The following SHANK2 variants were observed in gnomAD, a reference collection of about 807,000 sequenced individuals.
The protein encoded by SHANK2 is SH3 and multiple ankyrin repeat domains 2.
A neutral mutation model predicts 133.7 loss-of-function variants in SHANK2; 43 were observed. The observed-to-expected ratio is 0.32, with a 90% CI of 0.25 to 0.41. The LOEUF (loss-of-function observed/expected upper bound fraction) is 0.41. SHANK2 is among the 10% of genes least tolerant of loss of function. SHANK2 has a pLI of 1.00. For missense variants in SHANK2, 1,994 were observed against 2,235.8 expected (o/e 0.89, Z 2.18); for synonymous variants, 1,017 against 952.8 (o/e 1.07, Z -1.24).
At chr11:70,868,543 A>T (rs2135531461) in intron 11 of SHANK2, among the ~76,000 whole-genome samples, 1 of 152,344 alleles carries the variant, frequency 6.6e-6, no homozygotes. Context: ...CCAAAGTCAC[A>T]CAGCCTGTGA....
chr11:70,741,186 T>C (rs1591803648), intron 14 of SHANK2, among the ~76,000 whole-genome samples: 1 of 69,326 alleles, frequency 1.4e-5, no homozygotes, highest in South Asian at 4.2e-4. Flanking sequence ...CATCCATCCA[T>C]GCATTCAACC....
intron 2 of SHANK2, among the ~76,000 whole-genome samples, chr11:71,212,003 T>C (rs1302777210): frequency 1.3e-5 from 2 of 152,202 alleles, no homozygotes; most frequent in Admixed American, 1.3e-4. Context: ...AGGTCAAAGA[T>C]ATTTGAAACC....
At chr11:70,505,291 C>T (rs1475050308) in intron 17 of SHANK2, among the ~76,000 whole-genome samples, 4 of 152,024 alleles carry the variant, frequency 2.6e-5, no homozygotes, top group African/African-American at 9.7e-5. Flanking sequence ...TGCTGAGGCC[C>T]GATGCAGAGA....
intron 10 of SHANK2, among the ~76,000 whole-genome samples, chr11:70,902,212 T>C (rs1555076923): frequency 6.6e-6 from 1 of 152,242 alleles, no homozygotes; most frequent in Admixed American, 6.5e-5. Flanking sequence ...GACGCCTCAC[T>C]GGCATTCTAA....
intron 14 of SHANK2, among the ~76,000 whole-genome samples, chr11:70,749,949 C>A (rs1398615919): frequency 6.6e-6 from 1 of 152,208 alleles, no homozygotes. Context: ...AAACAAACTT[C>A]TCAAATTTGA....
At chr11:70,798,264 G>T (rs1947962358) in intron 14 of SHANK2, among the ~76,000 whole-genome samples, 179 bp downstream of exon 14, 2 of 152,206 alleles carry the variant, frequency 1.3e-5, no homozygotes, top group African/African-American at 4.8e-5. Flanking sequence ...TTCTGGTTTG[G>T]ATGAAGCCCA....
chr11:71,204,465 G>C (rs1261446462), intron 2 of SHANK2, among the ~76,000 whole-genome samples: 1 of 152,148 alleles, frequency 6.6e-6, no homozygotes, highest in African/African-American at 2.4e-5. Flanking sequence ...CACGTTCTCG[G>C]GTGACAGGCT....
intron 2 of SHANK2, among the ~76,000 whole-genome samples, chr11:71,180,703 G>A (rs145784777): frequency 6.6e-6 from 1 of 152,196 alleles, no homozygotes; most frequent in Non-Finnish European, 1.5e-5. Context: ...CACTACACTA[G>A]GCCACACACC....
chr11:71,151,100 C>T (rs1590963444), intron 2 of SHANK2, among the ~76,000 whole-genome samples: 1 of 152,134 alleles, frequency 6.6e-6, no homozygotes, highest in Non-Finnish European at 1.5e-5. Context: ...ACCCTGGAAG[C>T]CACTGCCCCT....
At chr11:70,756,775 G>A (rs907787285) in intron 14 of SHANK2, among the ~76,000 whole-genome samples, 1 of 152,224 alleles carries the variant, frequency 6.6e-6, no homozygotes, top group African/African-American at 2.4e-5. Flanking sequence ...TCTGACATAC[G>A]GAATTTTGCT....
intron 2 of SHANK2, among the ~76,000 whole-genome samples, chr11:71,190,948 A>G (rs1197661297): frequency 6.7e-6 from 1 of 150,300 alleles, no homozygotes; most frequent in African/African-American, 2.4e-5. Flanking sequence ...CCTTTCTCCC[A>G]TGCAATGGGA....
chr11:70,696,348 T>C (rs1400339042), intron 15 of SHANK2, among the ~76,000 whole-genome samples: 1 of 152,198 alleles, frequency 6.6e-6, no homozygotes, highest in Non-Finnish European at 1.5e-5. Flanking sequence ...CCCAGGCAGG[T>C]CCTTCCTCTG....
At chr11:70,482,188 C>T (rs2058743777) in intron 25 of SHANK2, among the ~76,000 whole-genome samples, 1 of 152,252 alleles carries the variant, frequency 6.6e-6, no homozygotes, top group African/African-American at 2.4e-5. Flanking sequence ...TCTAGTCCAA[C>T]TCTGAGTGTA....
intron 17 of SHANK2, among the ~76,000 whole-genome samples, chr11:70,590,312 G>A (rs1349708929): frequency 6.6e-6 from 1 of 152,234 alleles, no homozygotes; most frequent in Non-Finnish European, 1.5e-5. Context: ...TCCTGGTAAA[G>A]ATGCTGTGAA....
At chr11:70,746,655 G>A (rs1463467995) in intron 14 of SHANK2, among the ~76,000 whole-genome samples, 2 of 152,164 alleles carry the variant, frequency 1.3e-5, no homozygotes, top group Non-Finnish European at 2.9e-5. Context: ...TCACCCCTAG[G>A]AGGGGCCGAT....
rs2058611922 is a variant in SHANK2 at position 70,472,772 on chromosome 11, T to G, written c.*97A>C. 1.7e-6 allele frequency: 2 copies of G among 1,198,636 alleles called. No individual in the cohort carries two copies. The highest frequency in any genetic ancestry group is 1.5e-5 in the African/African-American group (1 of 66,742). The allele number at this position is 1,198,636 out of a possible 1,614,324, so 74.3% of individuals were successfully genotyped here. A position where few individuals can be genotyped will look rare whatever the true frequency, so the allele number is the denominator to read the frequency against. ...CAGGAGACAAACCCATGGAGTGGGG[T>G]TGATGCTCACAGACTTCGCTTGGCA... On this transcript the variant is annotated 3_prime_UTR_variant, in exon 26 of 26. Coordinates refer to ENST00000601538, the MANE Select transcript of SHANK2 (RefSeq NM_012309.5). The surrounding 1 kb of genome is among the most constrained non-coding windows in gnomAD (Gnocchi z 4.4).
intron 2 of SHANK2, among the ~76,000 whole-genome samples, chr11:71,193,134 C>T (rs782168775): frequency 6.6e-6 from 1 of 152,220 alleles, no homozygotes; most frequent in Admixed American, 6.5e-5. Flanking sequence ...AGACATAACT[C>T]TGCTAAAGCC....
rs948099157 is a variant in SHANK2, at chr11:70,469,842, T to C, written c.*3027A>G. On this transcript the variant is annotated 3_prime_UTR_variant, in exon 26 of 26. Transcript: ENST00000601538. ...GTCACATTGAGTAATTTTTATATTA[T>C]GTGAATTAACTTAAAATGTGCGCAG... The C allele has an allele frequency of 1.3e-5, 2 of 152,674 alleles. No homozygotes were observed. Among genetic ancestry groups the C allele is most frequent in the Admixed American group, 6.5e-5 (1 of 15,294 alleles). The allele number at this position is 152,674 out of a possible 1,614,324, so 9.5% of individuals were successfully genotyped here. A position where few individuals can be genotyped will look rare whatever the true frequency, so the allele number is the denominator to read the frequency against.
At chr11:70,669,591 C>A (rs1944756104) in intron 15 of SHANK2, 1 of 152,642 alleles carries the variant, frequency 6.6e-6, no homozygotes, top group Non-Finnish European at 1.5e-5. Context: ...CCCTACAGGT[C>A]CAGACTCCAG....
Sources: gnomAD v4.1 joint callset for allele counts (sites outside exome capture counted in the v4.1 genomes callset) on GRCh38, gnomAD v4.1.1 for gene constraint, Gnocchi (gnomAD v3.1) non-coding constraint, MANE v1.5 for transcripts, NCBI Gene and HGNC (gene_info 2026-07-23, HGNC 2026-07-21) for gene names.